Variants in WWC2 observed in about 807,000 individuals in gnomAD.
WWC2 encodes protein WWC2.
In WWC2, 101 loss-of-function variants were observed where a neutral mutation model predicts 138.5. The ratio of observed to expected loss-of-function variants is 0.73; its 90% CI spans 0.62 to 0.86. The LOEUF (loss-of-function observed/expected upper bound fraction) is 0.86, where lower values mean the gene tolerates loss of function less well. Ranked by LOEUF, WWC2 falls within the 40% of genes least tolerant of loss-of-function variation. WWC2 has a pLI of 0.00. For synonymous variants in WWC2, 558 were observed against 538.4 expected (o/e 1.04, Z -0.50); for missense variants, 1,420 against 1,419.4 (o/e 1.00, Z -0.01).
chr4:183,290,384 G>T (rs961806959), intron 21 of WWC2, among the ~76,000 whole-genome samples: 1 of 152,042 alleles, frequency 6.6e-6, no homozygotes, highest in African/African-American at 2.4e-5. Flanking sequence ...TGGACGTGGT[G>T]GTGTGCCCCT....
chr4:183,192,895 C>G lies in WWC2; in HGVS notation c.132-704C>G, dbSNP rs548509288. On this transcript the variant is annotated intron_variant, in intron 1 of 22. Transcript: ENST00000403733. Reference sequence around the variant, plus strand: ...TGTAATTAAGTCTGAAACCTGTACTCTGCTTAGGAAACTGTGTGGTTTCTT... The same window carrying G: ...TGTAATTAAGTCTGAAACCTGTACTGTGCTTAGGAAACTGTGTGGTTTCTT... Among the ~76,000 whole-genome samples the G allele has an allele frequency of 8.7e-4, 132 of 152,290 alleles. 2 individuals carry two copies. The highest frequency in any genetic ancestry group is 3.1e-3 in the African/African-American group (128 of 41,560).
chr4:183,269,502 G>C (rs898943857), intron 15 of WWC2: 1 of 499,628 alleles, frequency 2.0e-6, no homozygotes, highest in Non-Finnish European at 4.1e-6. Flanking sequence ...CGTGACTGCT[G>C]TGTATATATT....
intron 9 of WWC2, among the ~76,000 whole-genome samples, chr4:183,254,261 T>C (rs2111343338): frequency 6.6e-6 from 1 of 152,332 alleles, no homozygotes; most frequent in South Asian, 2.1e-4. Flanking sequence ...ATGTACATCA[T>C]TGATGAAGTC....
chr4:183,155,189 GGAGAGAGAGAGAGA>G (rs770609371), intron 1 of WWC2, among the ~76,000 whole-genome samples: 21 of 103,734 alleles, frequency 2.0e-4, no homozygotes, highest in African/African-American at 6.5e-4. Flanking sequence ...CATCTTCTGA[GGAGAGAGAGAGAGA>G]GAGAGAGAGA....
At chr4:183,207,923 T>C (rs753938144) in intron 2 of WWC2, 30 bp from the exon 3 acceptor site, 14 of 1,559,824 alleles carry the variant, frequency 9.0e-6, no homozygotes, top group Middle Eastern at 1.7e-4. Context: ...AGTTAAATTC[T>C]AAAAAGTACC....
At chr4:183,275,747 T>C (rs962278677) in intron 16 of WWC2, among the ~76,000 whole-genome samples, 2 of 152,150 alleles carry the variant, frequency 1.3e-5, no homozygotes, top group Non-Finnish European at 2.9e-5. Flanking sequence ...AGTATTCTTG[T>C]GATAGCTTTG....
rs1739607350 is a variant in WWC2 at position 183,320,470 on chromosome 4, T to A, written c.*4741T>A. 4.0e-6 allele frequency: 2 copies of A among 505,378 alleles called. No homozygotes were observed. The highest frequency in any genetic ancestry group is 7.1e-6 in the Non-Finnish European group (2 of 281,702). The allele number at this position is 505,378 out of a possible 1,614,324, so 31.3% of individuals were successfully genotyped here. A position where few individuals can be genotyped will look rare whatever the true frequency, so the allele number is the denominator to read the frequency against. On this transcript the variant is annotated 3_prime_UTR_variant, in exon 23 of 23. Coordinates refer to ENST00000403733, the MANE Select transcript of WWC2 (RefSeq NM_024949.6). ...TGTGTTTGTGTCCTGTGGGCTGGAT[T>A]TGACAGAAAGCAGTTTGTCACTGAA...
At chr4:183,164,297 TATAC>T (rs1215721700) in intron 1 of WWC2, among the ~76,000 whole-genome samples, 11 of 8,454 alleles carry the variant, frequency 1.3e-3, no homozygotes, top group African/African-American at 4.6e-3. Context: ...TATATATATA[TATAC>T]ATATATATAT....
At chr4:183,217,238 T>C (rs973609284) in intron 4 of WWC2, among the ~76,000 whole-genome samples, 1 of 152,054 alleles carries the variant, frequency 6.6e-6, no homozygotes, top group South Asian at 2.1e-4. Flanking sequence ...TTCATGTGTA[T>C]TGGGGATGAG....
intron 1 of WWC2, among the ~76,000 whole-genome samples, chr4:183,158,683 T>G (rs529228974): frequency 2.0e-5 from 3 of 151,930 alleles, no homozygotes; most frequent in Non-Finnish European, 4.4e-5. Context: ...GTCACAGTGC[T>G]CAAAACGTCA....
chr4:183,138,666 C>G (rs1405026292), intron 1 of WWC2, among the ~76,000 whole-genome samples: 1 of 152,168 alleles, frequency 6.6e-6, no homozygotes, highest in African/African-American at 2.4e-5. Flanking sequence ...GACACCCTAT[C>G]TAATTAGGTG....
intron 1 of WWC2, among the ~76,000 whole-genome samples, chr4:183,149,536 C>T (rs956371689): frequency 1.3e-5 from 2 of 151,588 alleles, no homozygotes; most frequent in African/African-American, 2.4e-5. Context: ...GCAGGAGAAT[C>T]GCTTGAACCT....
At chr4:183,231,258 CTTTTTTTTTTTTTTT>C (rs1192297768) in intron 4 of WWC2, among the ~76,000 whole-genome samples, 2 of 75,314 alleles carry the variant, frequency 2.7e-5, no homozygotes, top group South Asian at 4.2e-4. Context: ...ACAGTGAAAG[CTTTTTTTTTTTTTTT>C]TTTTTTTTTT....
chr4:183,128,417 G>A (rs1732824971), intron 1 of WWC2, among the ~76,000 whole-genome samples: 1 of 152,086 alleles, frequency 6.6e-6, no homozygotes, highest in African/African-American at 2.4e-5. Flanking sequence ...AAGAGTTTAA[G>A]GTGGGGAGGA....
At position 183,318,663 on chromosome 4, in the gene WWC2, A is replaced by T. The variant is rs1213310216; in HGVS notation, c.*2934A>T. ...GAAATCCCCAGGCTGGCAGTTTGTG[A>T]TGAATAGTTCTTGTTGGAACTATAT... On this transcript the variant is annotated 3_prime_UTR_variant, in exon 23 of 23. Transcript: ENST00000403733. 6.6e-6 allele frequency: 1 copy of T among 152,200 alleles called. No homozygotes were observed. The highest frequency in any genetic ancestry group is 6.5e-5 in the Admixed American group (1 of 15,284). The allele number at this position is 152,200 out of a possible 1,614,324, so 9.4% of individuals were successfully genotyped here.
Position 183,319,992 on chromosome 4 carries a change from T to G in WWC2, c.*4263T>G. On this transcript the variant is annotated 3_prime_UTR_variant, in exon 23 of 23. Coordinates refer to ENST00000403733, the MANE Select transcript of WWC2 (RefSeq NM_024949.6). ...CATTAAGATCCTGGAGACCCTGAGT[T>G]CAGCAGGCAAAGCCAGGAAGGAGTC... 1 of 1,613,792 alleles carries G rather than the reference T, an allele frequency of 6.2e-7. No individual in the cohort carries two copies.
intron 1 of WWC2, among the ~76,000 whole-genome samples, chr4:183,114,220 A>T (rs1732340917): frequency 6.6e-6 from 1 of 152,080 alleles, no homozygotes; most frequent in Non-Finnish European, 1.5e-5. Context: ...CTCTGGCCAT[A>T]TGATGTGCCT....
At chr4:183,194,098 G>A (rs1735065780) in intron 2 of WWC2, among the ~76,000 whole-genome samples, 1 of 152,202 alleles carries the variant, frequency 6.6e-6, no homozygotes, top group Non-Finnish European at 1.5e-5. Flanking sequence ...GCACAATGTG[G>A]TTTGTAGGCT....
rs1738236608 is a variant in WWC2 at position 183,286,002 on chromosome 4, T to C, written c.3084T>C (p.Ala1028=). Residue 1028 remains alanine, a synonymous_variant, in exon 20 of 23, where the codon GCT becomes GCC. Coordinates refer to ENST00000403733, the MANE Select transcript of WWC2 (RefSeq NM_024949.6). ...NRSDSDSSTL[A]KKSLFVRNST... ...GTGACAGTGACAGTTCAACCCTGGCTAAAAAATCACTGTTTGTGAGAAACT... is the reference window on the plus strand; with the variant it reads ...GTGACAGTGACAGTTCAACCCTGGCCAAAAAATCACTGTTTGTGAGAAACT... 1.9e-6 allele frequency: 3 copies of C among 1,595,998 alleles called. No homozygotes were observed. The East Asian group carries it at 6.8e-5, about 36-fold the overall frequency.
Sources: gnomAD v4.1 joint callset for allele counts (sites outside exome capture counted in the v4.1 genomes callset) on GRCh38, gnomAD v4.1.1 for gene constraint, MANE v1.5 for transcripts, NCBI Gene and HGNC (gene_info 2026-07-23, HGNC 2026-07-21) for gene names.